INPP5D: variants seen among roughly 807,000 people sequenced by gnomAD.
INPP5D encodes the protein phosphatidylinositol 3,4,5-trisphosphate 5-phosphatase 1.
INPP5D carries 33 observed loss-of-function variants against 122.9 expected under a neutral mutation model. The ratio of observed to expected loss-of-function variants is 0.27; its 90% CI spans 0.20 to 0.36. INPP5D has a LOEUF of 0.36. Among genes scored for constraint, INPP5D ranks in the 10% least tolerant of loss-of-function variants. The pLI, the probability that INPP5D is intolerant of heterozygous loss-of-function variation, is 1.00. For missense variants in INPP5D, 1,053 were observed against 1,412.7 expected, an observed-to-expected ratio of 0.75 and a Z score of 4.08; for synonymous variants, 584 against 576.2, an observed-to-expected ratio of 1.01 and a Z score of -0.19.
chr2:233,190,515 G>C (rs1559343519), intron 22 of INPP5D, among the ~76,000 whole-genome samples: 1 of 151,682 alleles, frequency 6.6e-6, no homozygotes, highest in Non-Finnish European at 1.5e-5. Flanking sequence ...AGCAATTTGG[G>C]CTGAGGTGTC....
intron 1 of INPP5D, among the ~76,000 whole-genome samples, chr2:233,072,562 TAAAA>T (rs774250303): frequency 2.6e-5 from 4 of 152,192 alleles, no homozygotes; most frequent in Admixed American, 6.5e-5. Flanking sequence ...TTGAAATACT[TAAAA>T]AAAGTTGGTA....
In INPP5D at chr2:233,170,701, A is replaced by G; in HGVS notation, c.1900+97A>G. 2.7e-6 allele frequency: 4 copies of G among 1,489,882 alleles called. No homozygotes were observed. The highest frequency in any genetic ancestry group is 3.6e-6 in the Non-Finnish European group (4 of 1,097,382). The allele number at this position is 1,489,882 out of a possible 1,614,324, so 92.3% of individuals were successfully genotyped here. Reference sequence around the variant, plus strand: ...GGCGGATCACGAGATCAGGAGATGGAGACCATCCTGGCTAACACAGTGAAA... The same window carrying G: ...GGCGGATCACGAGATCAGGAGATGGGGACCATCCTGGCTAACACAGTGAAA... On this transcript the variant is annotated intron_variant, in intron 16 of 26. Coordinates refer to ENST00000445964, the MANE Select transcript of INPP5D (RefSeq NM_001017915.3). The surrounding 1 kb of genome is among the most constrained non-coding windows in gnomAD (Gnocchi z 4.5).
At chr2:233,088,267 C>T (rs1385744039) in intron 2 of INPP5D, among the ~76,000 whole-genome samples, 1 of 152,176 alleles carries the variant, frequency 6.6e-6, no homozygotes, top group Non-Finnish European at 1.5e-5. Context: ...GAGCCACCAG[C>T]CCCGCCAAGG....
chr2:233,146,835 T>C (rs1195125838), intron 8 of INPP5D, among the ~76,000 whole-genome samples: 1 of 152,174 alleles, frequency 6.6e-6, no homozygotes, highest in African/African-American at 2.4e-5. Flanking sequence ...GATTAGAATC[T>C]CCAGGCTTGA....
Position 233,197,616 on chromosome 2 carries a change from C to G in INPP5D, c.2694-479C>G, listed in dbSNP as rs1360946214. Among the ~76,000 whole-genome samples, 1 of 152,196 alleles carries G rather than the reference C, an allele frequency of 6.6e-6. No homozygotes were observed. Among genetic ancestry groups the G allele is most frequent in the Non-Finnish European group, 1.5e-5 (1 of 68,044 alleles). On this transcript the variant is annotated intron_variant, in intron 24 of 26. Transcript: ENST00000445964. This position sits in a 1 kb window ranked among gnomAD's most constrained non-coding sequence, Gnocchi z 4.4. ...CATGTACTCTTGCCACTGCCGAGAACAGTCTCCCCTTCTTTCTCTCTTATC... is the reference window on the plus strand; with the variant it reads ...CATGTACTCTTGCCACTGCCGAGAAGAGTCTCCCCTTCTTTCTCTCTTATC...
At chr2:233,109,107 T>C (rs544137945) in intron 2 of INPP5D, among the ~76,000 whole-genome samples, 2 of 152,326 alleles carry the variant, frequency 1.3e-5, no homozygotes, top group South Asian at 4.1e-4. Flanking sequence ...TACCTCCCTC[T>C]CCTGGTCACA....
In INPP5D at chr2:233,188,216, C is replaced by T. The variant is rs184260786; in HGVS notation, c.2359-1634C>T. Among the ~76,000 whole-genome samples, 879 of 152,200 alleles carry T rather than the reference C, an allele frequency of 5.8e-3. 13 individuals carry two copies. Among genetic ancestry groups the T allele is most frequent in the African/African-American group, 0.02 (832 of 41,520 alleles). Reference sequence around the variant, plus strand: ...GCTGTTCCCACAGGACTGCAGGGGCCTTCACCGTCTCCTGCTCCCTGACCC... The same window carrying T: ...GCTGTTCCCACAGGACTGCAGGGGCTTTCACCGTCTCCTGCTCCCTGACCC... On this transcript the variant is annotated intron_variant, in intron 21 of 26. Coordinates refer to ENST00000445964, the MANE Select transcript of INPP5D (RefSeq NM_001017915.3). This position sits in a 1 kb window ranked among gnomAD's most constrained non-coding sequence, Gnocchi z 4.7.
chr2:233,141,996 G>A (rs1693641423), intron 6 of INPP5D, among the ~76,000 whole-genome samples: 1 of 152,238 alleles, frequency 6.6e-6, no homozygotes, highest in Non-Finnish European at 1.5e-5. Flanking sequence ...GAAAGTAAAA[G>A]CAAATCTAGA....
chr2:233,117,622 G>T (rs945010754), intron 2 of INPP5D, among the ~76,000 whole-genome samples: 1 of 152,118 alleles, frequency 6.6e-6, no homozygotes, highest in African/African-American at 2.4e-5. Flanking sequence ...TATGAGTTCG[G>T]GGGGGCTGTA....
chr2:233,139,856 C>T lies in INPP5D; in HGVS notation c.680C>T (p.Thr227Ile). 1 of 398,838 alleles carries T rather than the reference C, an allele frequency of 2.5e-6. No individual in the cohort carries two copies. The highest frequency in any genetic ancestry group is 3.6e-5 in the East Asian group (1 of 28,082). The allele number at this position is 398,838 out of a possible 1,614,324, so 24.7% of individuals were successfully genotyped here. ...CKELYGEVIRTLPSLESLQRL... is the reference protein window; with the variant it reads ...CKELYGEVIRILPSLESLQRL... The stretch of plus-strand genomic sequence containing the variant: ...CCTGCCCCCAGAGAAGTCATCCGGA[C>T]CCTCCCATCCCTGGAGTCTCTGCAG... The change falls in exon 6 of 27, where the codon ACC becomes ATC. Residue 227 changes from threonine to isoleucine, a missense_variant. Coordinates refer to ENST00000445964, the MANE Select transcript of INPP5D (RefSeq NM_001017915.3).
intron 1 of INPP5D, among the ~76,000 whole-genome samples, chr2:233,075,897 A>AG (rs1185274797): frequency 1.3e-5 from 2 of 152,138 alleles, no homozygotes; most frequent in African/African-American, 4.8e-5. Flanking sequence ...TTACTGTCTA[A>AG]GGGGGAAGTA....
At chr2:233,114,605 C>A (rs952353458) in intron 2 of INPP5D, among the ~76,000 whole-genome samples, 5 of 152,166 alleles carry the variant, frequency 3.3e-5, no homozygotes, top group Non-Finnish European at 7.3e-5. Context: ...AGCCTTGGGA[C>A]GTGTGGATGC....
At position 233,060,353 on chromosome 2, in the gene INPP5D, T is replaced by C; in HGVS notation, c.-126T>C. The C allele has an allele frequency of 1.8e-6, 2 of 1,092,698 alleles. No homozygotes were observed. Among genetic ancestry groups the C allele is most frequent in the Admixed American group, 5.7e-5 (2 of 35,350 alleles). 67.7% of individuals were successfully genotyped at this position (1,092,698 alleles called of 1,614,324 possible). On this transcript the variant is annotated 5_prime_UTR_variant, in exon 1 of 27. Transcript: ENST00000445964. ...ACAGGAAGTCAGTCAGTTAAGCTGG[T>C]GGCAGCAGCCGAGGCCACCAAGAGG...
rs1164457190 is a variant in INPP5D at position 233,183,833 on chromosome 2, G to A, written c.2162-575G>A. Among the ~76,000 whole-genome samples, 1 of 152,246 alleles carries A rather than the reference G, an allele frequency of 6.6e-6. No homozygotes were observed. Among genetic ancestry groups the A allele is most frequent in the African/African-American group, 2.4e-5 (1 of 41,470 alleles). ...TGGTCTCCGAACAAGTCTCTGTTCT[G>A]TGGCTCAAAATTTCTATGAAAGGAC... On this transcript the variant is annotated intron_variant, in intron 19 of 26. Coordinates refer to ENST00000445964, the MANE Select transcript of INPP5D (RefSeq NM_001017915.3). The surrounding 1 kb of genome is among the most constrained non-coding windows in gnomAD (Gnocchi z 4.6).
At chr2:233,104,406 G>A (rs145104530) in intron 2 of INPP5D, among the ~76,000 whole-genome samples, 2 of 152,122 alleles carry the variant, frequency 1.3e-5, no homozygotes, top group Admixed American at 1.3e-4. Flanking sequence ...CAATGCTGAG[G>A]CTTCTTTGCA....
At position 233,147,085 on chromosome 2, in the gene INPP5D, C is replaced by T. The variant is rs538609338; in HGVS notation, c.907-386C>T. 9.9e-5 allele frequency among the ~76,000 whole-genome samples: 15 copies of T among 152,280 alleles called. No individual in the cohort carries two copies. In the South Asian group the frequency reaches 1.0e-3, roughly 11 times the overall value. On this transcript the variant is annotated intron_variant, in intron 8 of 26. Coordinates refer to ENST00000445964, the MANE Select transcript of INPP5D (RefSeq NM_001017915.3). ...CTATTATTATCAGTAAATGTTCAATCAGTGGTTGTAACAAGGCCTGGGAGT... is the reference window on the plus strand; with the variant it reads ...CTATTATTATCAGTAAATGTTCAATTAGTGGTTGTAACAAGGCCTGGGAGT...
intron 6 of INPP5D, among the ~76,000 whole-genome samples, chr2:233,142,025 C>G (rs973157653): frequency 1.3e-5 from 2 of 152,180 alleles, no homozygotes; most frequent in Non-Finnish European, 2.9e-5. Context: ...GGGCTCTGCC[C>G]GACACTTGAA....
Position 233,092,196 on chromosome 2 carries a change from G to A in INPP5D, c.198+12798G>A, listed in dbSNP as rs557192941. Reference sequence around the variant, plus strand: ...AGTGACTGGGGGCCCGAGCTGCCAGGCTTATCAGGGAGCCGTCCCAGGCTC... The same window carrying A: ...AGTGACTGGGGGCCCGAGCTGCCAGACTTATCAGGGAGCCGTCCCAGGCTC... On this transcript the variant is annotated intron_variant, in intron 2 of 26. Coordinates refer to ENST00000445964, the MANE Select transcript of INPP5D (RefSeq NM_001017915.3). Among the ~76,000 whole-genome samples, 14 of 152,354 alleles carry A rather than the reference G, an allele frequency of 9.2e-5. No individual in the cohort carries two copies. In the East Asian group the frequency reaches 2.5e-3, roughly 27 times the overall value.
At chr2:233,115,585 A>G (rs1692766214) in intron 2 of INPP5D, among the ~76,000 whole-genome samples, 1 of 152,162 alleles carries the variant, frequency 6.6e-6, no homozygotes. Context: ...GGCCACAGGC[A>G]GCCCCTCTCC....
Sources: gnomAD v4.1 joint callset for allele counts (sites outside exome capture counted in the v4.1 genomes callset) on GRCh38, gnomAD v4.1.1 for gene constraint, Gnocchi (gnomAD v3.1) non-coding constraint, MANE v1.5 for transcripts, NCBI Gene and HGNC (gene_info 2026-07-23, HGNC 2026-07-21) for gene names.